Variants in ADCY3 observed in about 807,000 individuals in gnomAD.
ADCY3 encodes the protein adenylate cyclase 3.
A neutral mutation model predicts 119.4 loss-of-function variants in ADCY3; 70 were observed. The ratio of observed to expected loss-of-function variants is 0.59; its 90% CI spans 0.48 to 0.72. The LOEUF is 0.72. Among genes scored for constraint, ADCY3 ranks in the 30% least tolerant of loss-of-function variants. The pLI, the probability that ADCY3 is intolerant of heterozygous loss-of-function variation, is 0.00. For missense variants in ADCY3, 1,238 were observed against 1,541.6 expected (o/e 0.80, Z 3.30); for synonymous variants, 672 against 621.4 (o/e 1.08, Z -1.21).
In ADCY3 at chr2:24,839,926, C is replaced by G; in HGVS notation, c.1302G>C (p.Val434=). 6.2e-7 allele frequency: 1 copy of G among 1,613,862 alleles called. No individual in the cohort carries two copies. Among genetic ancestry groups the G allele is most frequent in the Non-Finnish European group, 8.5e-7 (1 of 1,180,024 alleles). Residue 434 remains valine (V), a synonymous_variant, in exon 7 of 22, where the codon GTG becomes GTC. Coordinates refer to ENST00000679454, the MANE Select transcript of ADCY3 (RefSeq NM_004036.5). ...TGGCTACAGTGACATCAGTCGACCA[C>G]ACGTCGTACTGCCAGCGCTTCTGGC... ...VLGQKRWQYD[V]WSTDVTVANK...
chr2:24,904,202 G>C (rs773973710), intron 2 of ADCY3, among the ~76,000 whole-genome samples: 1 of 152,190 alleles, frequency 6.6e-6, no homozygotes, highest in African/African-American at 2.4e-5. Flanking sequence ...AGAAAGAAAA[G>C]AGGCAGAGAG....
chr2:24,831,561 G>A (rs1669511313), intron 12 of ADCY3, 101 bp downstream of exon 12: 1 of 945,152 alleles, frequency 1.1e-6, no homozygotes, highest in Non-Finnish European at 1.7e-6. Context: ...GTGTCTGCCT[G>A]TCAGATTTGA....
chr2:24,842,446 C>T lies in ADCY3; in HGVS notation c.826-62G>A. The T allele has an allele frequency of 1.2e-6, 2 of 1,602,976 alleles. No individual in the cohort carries two copies. The highest frequency in any genetic ancestry group is 1.7e-6 in the Non-Finnish European group (2 of 1,172,986). ...GCCCTGCTAGAGGCAAGTTCAGATA[C>T]TTCTGGGAAGAAATGCCCCGATCCT... On this transcript the variant is annotated intron_variant, in intron 3 of 21. Coordinates refer to ENST00000679454, the MANE Select transcript of ADCY3 (RefSeq NM_004036.5). This position sits in a 1 kb window ranked among gnomAD's most constrained non-coding sequence, Gnocchi z 4.9.
intron 2 of ADCY3, among the ~76,000 whole-genome samples, chr2:24,903,212 G>A (rs1003519047): frequency 1.3e-5 from 2 of 150,602 alleles, no homozygotes; most frequent in Admixed American, 6.6e-5. Flanking sequence ...CACCCCTAAC[G>A]CCTGTGTGGT....
chr2:24,832,146 C>T (rs958545085), intron 11 of ADCY3: 1 of 215,746 alleles, frequency 4.6e-6, no homozygotes, highest in Non-Finnish European at 9.4e-6. Context: ...CCACGCGGTG[C>T]CAGGGAATTG....
In ADCY3 at chr2:24,841,298, CAGACGG is replaced by C; in HGVS notation, c.1151_1156del (p.Ala384_Cys386delinsGly). On this transcript the variant is annotated inframe_deletion, in exon 6 of 22. Transcript: ENST00000679454. This position sits in a 1 kb window ranked among gnomAD's most constrained non-coding sequence, Gnocchi z 5.8. Reference sequence around the variant, plus strand: ...CATGGCCAGCCCCATGAGGATGGAGCAGACGGCGTGGTCCTCCCGGTAGTCGGGCAA... The same window carrying C: ...CATGGCCAGCCCCATGAGGATGGAGCCGTGGTCCTCCCGGTAGTCGGGCAA... 6.4e-7 allele frequency: 1 copy of C among 1,573,884 alleles called. No individual in the cohort carries two copies. The highest frequency in any genetic ancestry group is 8.6e-7 in the Non-Finnish European group (1 of 1,160,106).
intron 2 of ADCY3, among the ~76,000 whole-genome samples, chr2:24,907,223 C>T (rs7565468): frequency 0.32 from 48,777 of 151,820 alleles, 7,954 homozygotes; most frequent in South Asian, 0.37. Flanking sequence ...GTCCAGGAGC[C>T]CACCGAGAGC....
rs932017397 is a variant in ADCY3, at chr2:24,918,844, G to A, written c.144C>T (p.Cys48=). ...AAGTCAGCCGCATGAAGCGAGGCAG[G>A]CACAGGCAGGAGCCCGAGTTCCGGA... ...ISVRNSGSCL[C]LPRFMRLTFV... Residue 48 remains cysteine, a synonymous_variant, in exon 2 of 22, where the codon TGC becomes TGT. Transcript: ENST00000679454. This position sits in a 1 kb window ranked among gnomAD's most constrained non-coding sequence, Gnocchi z 5.4. 1.2e-6 allele frequency: 2 copies of A among 1,613,514 alleles called. No individual in the cohort carries two copies. The highest frequency in any genetic ancestry group is 8.5e-7 in the Non-Finnish European group (1 of 1,180,040).
chr2:24,841,751 AG>A lies in ADCY3; in HGVS notation c.957-85del. ...ACTGCCAGCTCCCTCTCCAACCCAC[AG>A]GGCAGCCAGGATCAGGGCAGGAGAA... is the stretch of plus-strand genomic sequence containing the variant. On this transcript the variant is annotated intron_variant, in intron 4 of 21. Coordinates refer to ENST00000679454, the MANE Select transcript of ADCY3 (RefSeq NM_004036.5). This position sits in a 1 kb window ranked among gnomAD's most constrained non-coding sequence, Gnocchi z 5.8. 9.9e-7 allele frequency: 1 copy of A among 1,010,714 alleles called. No homozygotes were observed. The highest frequency in any genetic ancestry group is 1.4e-5 in the South Asian group (1 of 72,490). 62.6% of individuals were successfully genotyped at this position (1,010,714 alleles called of 1,614,324 possible).
intron 2 of ADCY3, among the ~76,000 whole-genome samples, chr2:24,917,410 G>C (rs1664586370): frequency 2.0e-5 from 3 of 152,166 alleles, no homozygotes; most frequent in Non-Finnish European, 2.9e-5. Context: ...TGGCAGGCTG[G>C]GCACCAAACC....
At chr2:24,876,630 A>G (rs1160722154) in intron 2 of ADCY3, among the ~76,000 whole-genome samples, 1 of 152,162 alleles carries the variant, frequency 6.6e-6, no homozygotes, top group Non-Finnish European at 1.5e-5. Flanking sequence ...GTGGCGTGAC[A>G]TCGTCCCTGT....
At chr2:24,869,950 T>C (rs1390233064) in intron 3 of ADCY3, among the ~76,000 whole-genome samples, 1 of 152,070 alleles carries the variant, frequency 6.6e-6, no homozygotes, top group Non-Finnish European at 1.5e-5. Context: ...CAGGATTCCA[T>C]CCTTCCCAAT....
intron 2 of ADCY3, among the ~76,000 whole-genome samples, chr2:24,882,932 G>T (rs1177605502): frequency 9.9e-5 from 15 of 151,906 alleles, no homozygotes; most frequent in Admixed American, 9.8e-4. Context: ...GGTGGCACAT[G>T]CCTGTAGTCC....
At chr2:24,826,924 CAG>C (rs1470881797) in intron 15 of ADCY3, among the ~76,000 whole-genome samples, 9 of 152,300 alleles carry the variant, frequency 5.9e-5, no homozygotes, top group Non-Finnish European at 1.0e-4. Flanking sequence ...TTGATATTGT[CAG>C]AGTTATCTGG....
chr2:24,838,419 TGGG>T, intron 8 of ADCY3, 23 bp downstream of exon 8: 1 of 765,688 alleles, frequency 1.3e-6, no homozygotes, highest in Non-Finnish European at 1.7e-6. Flanking sequence ...GTGGGTGGGG[TGGG>T]TGGGGTGGGG....
In ADCY3 at chr2:24,822,606, C is replaced by A. The variant is rs766949371; in HGVS notation, c.2908G>T (p.Val970Leu). ...CCAATGGTTTTGATCTTGGTGATCACCCGGAACTTGGGATTGTCCAGGAGC... is the reference window on the plus strand; with the variant it reads ...CCAATGGTTTTGATCTTGGTGATCAACCGGAACTTGGGATTGTCCAGGAGC... ...DSLLDNPKFR[V>L]ITKIKTIGST... The change falls in exon 19 of 22, where the codon GTG (valine) becomes TTG (leucine). Residue 970 changes from valine to leucine, a missense_variant. By Grantham distance (32) the Val-to-Leu change is conservative. Around this residue, in one of 7 missense-constraint regions of ADCY3, gnomAD observed 37 missense variants for 73.5 expected, o/e 0.50. Coordinates refer to ENST00000679454, the MANE Select transcript of ADCY3 (RefSeq NM_004036.5). The A allele has an allele frequency of 6.2e-7, 1 of 1,614,048 alleles. No individual in the cohort carries two copies. The highest frequency in any genetic ancestry group is 1.1e-5 in the South Asian group (1 of 91,072).
At chr2:24,892,287 C>T (rs1185594622) in intron 2 of ADCY3, among the ~76,000 whole-genome samples, 2 of 145,574 alleles carry the variant, frequency 1.4e-5, no homozygotes, top group Non-Finnish European at 3.0e-5. Context: ...CTGGCTCTGT[C>T]ACCCAGGCTG....
intron 17 of ADCY3, among the ~76,000 whole-genome samples, chr2:24,823,933 G>GATCC (rs1202255288): frequency 1.3e-5 from 2 of 152,174 alleles, no homozygotes; most frequent in African/African-American, 4.8e-5. Context: ...GACCTCAGAT[G>GATCC]ATCCACCCGC....
intron 3 of ADCY3, among the ~76,000 whole-genome samples, chr2:24,862,328 C>T (rs184084865): frequency 1.6e-4 from 25 of 152,232 alleles, no homozygotes; most frequent in Admixed American, 1.6e-3. Flanking sequence ...GGGCGGATCA[C>T]GAGGTCAGGA....
Sources: gnomAD v4.1 joint callset for allele counts (sites outside exome capture counted in the v4.1 genomes callset) on GRCh38, gnomAD v4.1.1 for gene constraint, gnomAD v4.1.1 regional missense constraint, Gnocchi (gnomAD v3.1) non-coding constraint, MANE v1.5 for transcripts, NCBI Gene and HGNC (gene_info 2026-07-23, HGNC 2026-07-21) for gene names.